CCDC157: variants seen among roughly 807,000 people sequenced by gnomAD.
The protein encoded by CCDC157 is coiled-coil domain containing 157.
Under a neutral mutation model 70.9 loss-of-function variants are expected in CCDC157, and 60 were observed. The ratio of observed to expected loss-of-function variants is 0.85; its 90% CI spans 0.69 to 1.05. The LOEUF is 1.05. CCDC157 is among the 50% of genes least tolerant of loss of function. The pLI is 0.00. For missense variants in CCDC157, 943 were observed against 984.2 expected (o/e 0.96, Z 0.56); for synonymous variants, 373 against 422.4 (o/e 0.88, Z 1.43).
chr22:30,372,347 T>C, intron 7 of CCDC157, 61 bp downstream of exon 7: 1 of 1,451,574 alleles, frequency 6.9e-7, no homozygotes, highest in East Asian at 2.5e-5. Flanking sequence ...GAAAGAGGGC[T>C]CCACTGTCAG....
In CCDC157 at chr22:30,377,596, AGG is replaced by A. The variant is rs1933432929; in HGVS notation, c.*852_*853del. The A allele has an allele frequency of 6.5e-6, 1 of 153,524 alleles. No homozygotes were observed. Among genetic ancestry groups the A allele is most frequent in the African/African-American group, 2.4e-5 (1 of 41,484 alleles). The allele number at this position is 153,524 out of a possible 1,614,324, so 9.5% of individuals were successfully genotyped here. A position where few individuals can be genotyped will look rare whatever the true frequency, so the allele number is the denominator to read the frequency against. ...CCTGAAGCATTTTCCCTTGGTGAAGAGGCCGTCAGGTAGAGCACCTCAGTTCA... is the reference window on the plus strand; with the variant it reads ...CCTGAAGCATTTTCCCTTGGTGAAGACCGTCAGGTAGAGCACCTCAGTTCA... On this transcript the variant is annotated 3_prime_UTR_variant, in exon 12 of 12. Transcript: ENST00000338306.
In CCDC157 at chr22:30,370,958, C is replaced by T. The variant is rs767048651; in HGVS notation, c.1045+8C>T. ...AACAGCAGCTGCTCACAGGTCTGTG[C>T]CCCAGAGGCCAGACGCCTGGTGCCC... On this transcript the variant is annotated splice_region_variant and intron_variant, in intron 5 of 11. Coordinates refer to ENST00000338306, the MANE Select transcript of CCDC157 (RefSeq NM_001017437.5). 30 of 1,601,002 alleles carry T rather than the reference C, an allele frequency of 1.9e-5. No individual in the cohort carries two copies. The Admixed American group carries it at 4.6e-4, about 24-fold the overall frequency.
At chr22:30,372,408 G>A (rs1933012866) in intron 7 of CCDC157, 122 bp downstream of exon 7, 1 of 1,331,872 alleles carries the variant, frequency 7.5e-7, no homozygotes, top group African/African-American at 1.5e-5. Context: ...ATGCCTCCAG[G>A]TGTGGGGGTT....
chr22:30,372,224 T>C lies in CCDC157; in HGVS notation c.1273T>C (p.Trp425Arg), dbSNP rs748968695. ...RLEGAGQQVC[W>R]ASTELDKEKA... ...GGAGGGCGCTGGCCAGCAGGTCTGCTGGGCCAGCACGGAGCTGGATAAGGA... is the reference window on the plus strand; with the variant it reads ...GGAGGGCGCTGGCCAGCAGGTCTGCCGGGCCAGCACGGAGCTGGATAAGGA... The change falls in exon 7 of 12, where the codon TGG (tryptophan) becomes CGG (arginine). Residue 425 changes from tryptophan (W) to arginine (R), a missense_variant. Physicochemically the swap from Trp to Arg is moderately radical, Grantham distance 101. Transcript: ENST00000338306. The C allele has an allele frequency of 1.9e-6, 3 of 1,594,720 alleles. No homozygotes were observed. Among genetic ancestry groups the C allele is most frequent in the Non-Finnish European group, 2.6e-6 (3 of 1,174,342 alleles).
At chr22:30,366,894 C>G (rs1458911688) in intron 3 of CCDC157, 1 of 153,744 alleles carries the variant, frequency 6.5e-6, no homozygotes, top group Non-Finnish European at 1.5e-5. Flanking sequence ...CCTGTCTCTA[C>G]TAAAAATACA....
chr22:30,378,034 T>G lies in CCDC157; in HGVS notation c.*1289T>G. 2.2e-6 allele frequency: 1 copy of G among 458,264 alleles called. No homozygotes were observed. Among genetic ancestry groups the G allele is most frequent in the South Asian group, 1.6e-5 (1 of 63,886 alleles). 28.4% of individuals were successfully genotyped at this position (458,264 alleles called of 1,614,324 possible). ...CCACTTGTTGGCAGAATTCCGATCC[T>G]TGCGGCTGTGGGACTGAGGTCCCCA... On this transcript the variant is annotated 3_prime_UTR_variant, in exon 12 of 12. Coordinates refer to ENST00000338306, the MANE Select transcript of CCDC157 (RefSeq NM_001017437.5).
chr22:30,375,569 A>C lies in CCDC157; in HGVS notation c.1763A>C (p.Asn588Thr), dbSNP rs773633656. 16 of 1,614,082 alleles carry C rather than the reference A, an allele frequency of 9.9e-6. 1 individual carries two copies. The highest frequency in any genetic ancestry group is 9.3e-5 in the African/African-American group (7 of 74,938). ...CACATGGAGAGGCAAGTGCAGTCCAACGACATCCGCATCCGGGTCCTACAG... is the reference window on the plus strand; with the variant it reads ...CACATGGAGAGGCAAGTGCAGTCCACCGACATCCGCATCCGGGTCCTACAG... The part of the protein sequence containing the change: ...TDHMERQVQS[N>T]DIRIRVLQEE... The change falls in exon 10 of 12, where the codon AAC becomes ACC. Residue 588 changes from asparagine to threonine, a missense_variant. Transcript: ENST00000338306.
At chr22:30,369,693 C>T in intron 4 of CCDC157, 90 bp downstream of exon 4, 1 of 1,062,568 alleles carries the variant, frequency 9.4e-7, no homozygotes, top group Non-Finnish European at 1.3e-6. Context: ...GCTCTGGCTT[C>T]CTAGCCTACC....
intron 6 of CCDC157, 44 bp from the exon 7 acceptor site, chr22:30,372,031 C>T (rs189397329): frequency 1.5e-5 from 20 of 1,300,604 alleles, no homozygotes; most frequent in Middle Eastern, 2.6e-4. Flanking sequence ...GGTAGTACAG[C>T]GCTCCCCTGC....
At chr22:30,357,862 C>G (rs983394328) in intron 1 of CCDC157, among the ~76,000 whole-genome samples, 2 of 151,984 alleles carry the variant, frequency 1.3e-5, no homozygotes, top group Non-Finnish European at 2.9e-5. Context: ...GGACGTCTCC[C>G]TATGTTGCCC....
At chr22:30,371,980 G>A (rs1430798541) in intron 6 of CCDC157, 95 bp from the exon 7 acceptor site, 2 of 896,888 alleles carry the variant, frequency 2.2e-6, no homozygotes, top group African/African-American at 3.4e-5. Flanking sequence ...TGAGGACTCT[G>A]AGGCCCAGAG....
chr22:30,370,285 C>T (rs1197282622), intron 4 of CCDC157, 41 bp from the exon 5 acceptor site: 2 of 1,601,014 alleles, frequency 1.2e-6, no homozygotes, highest in African/African-American at 1.3e-5. Flanking sequence ...CCTCTCTACT[C>T]TCTCCCTCAC....
rs1023649524 is a variant in CCDC157 at position 30,373,729 on chromosome 22, C to T, written c.1468C>T (p.Arg490Trp). The change falls in exon 8 of 12, where the codon CGG becomes TGG. Residue 490 changes from arginine (R) to tryptophan (W), a missense_variant. Physicochemically the swap from Arg to Trp is moderately radical, Grantham distance 101. Transcript: ENST00000338306. ...ARVEEQLQSE[R>W]EQGQCQLRAQ... ...CGTGGAGGAGCAGCTGCAGAGCGAGCGGGAGCAGGGGCAATGCCAGCTCAG... is the reference window on the plus strand; with the variant it reads ...CGTGGAGGAGCAGCTGCAGAGCGAGTGGGAGCAGGGGCAATGCCAGCTCAG... 7.7e-6 allele frequency: 12 copies of T among 1,553,648 alleles called. No homozygotes were observed. The highest frequency in any genetic ancestry group is 7.2e-5 in the East Asian group (3 of 41,518).
rs764266949 is a variant in CCDC157, at chr22:30,365,976, T to C, written c.-11-14T>C. 10 of 1,559,858 alleles carry C rather than the reference T, an allele frequency of 6.4e-6. No homozygotes were observed. The African/African-American group carries it at 1.2e-4, about 19-fold the overall frequency. ...GTGGCTCTGGCTGGCAGGGCTCTTC[T>C]CTGCTCACCCCAGGATCTGTGAGGA... is the stretch of plus-strand genomic sequence containing the variant. On this transcript the variant is annotated splice_polypyrimidine_tract_variant and intron_variant, in intron 2 of 11. Coordinates refer to ENST00000338306, the MANE Select transcript of CCDC157 (RefSeq NM_001017437.5).
chr22:30,376,033 AAAG>A (rs1395009023), intron 10 of CCDC157: 43 of 557,286 alleles, frequency 7.7e-5, no homozygotes, highest in Non-Finnish European at 1.2e-4. Context: ...ACAAAAAAAA[AAAG>A]AAGCCATGTC....
chr22:30,375,413 G>C, intron 9 of CCDC157, 66 bp from the exon 10 acceptor site: 2 of 1,519,128 alleles, frequency 1.3e-6, no homozygotes, highest in Non-Finnish European at 1.8e-6. Context: ...CAGCTCCTTT[G>C]TGCCTCCAGG....
intron 7 of CCDC157, chr22:30,373,362 C>G (rs185222556): frequency 1.8e-6 from 1 of 548,498 alleles, no homozygotes. Context: ...TTCCAAGGGC[C>G]GGGGTCTTCA....
At chr22:30,365,865 T>A in intron 2 of CCDC157, 125 bp from the exon 3 acceptor site, 1 of 963,560 alleles carries the variant, frequency 1.0e-6, no homozygotes, top group Non-Finnish European at 1.5e-6. Context: ...GGAAACAGAC[T>A]TCTCCCCAGG....
chr22:30,374,092 G>C lies in CCDC157; in HGVS notation c.1672+1G>C, dbSNP rs991873149. 6.3e-7 allele frequency: 1 copy of C among 1,591,936 alleles called. No individual in the cohort carries two copies. Among genetic ancestry groups the C allele is most frequent in the African/African-American group, 1.3e-5 (1 of 74,566 alleles). On this transcript the variant is annotated splice_donor_variant, in intron 9 of 11. Coordinates refer to ENST00000338306, the MANE Select transcript of CCDC157 (RefSeq NM_001017437.5). LOFTEE classifies it high-confidence loss of function. ...AGGCCCACCGAGACCCAGATCCATG[G>C]TAGGGGACTGGGGATGGTGCCAAGG... is the stretch of plus-strand genomic sequence containing the variant.
Sources: gnomAD v4.1 joint callset for allele counts (sites outside exome capture counted in the v4.1 genomes callset) on GRCh38, gnomAD v4.1.1 for gene constraint, MANE v1.5 for transcripts, NCBI Gene and HGNC (gene_info 2026-07-23, HGNC 2026-07-21) for gene names.